Variants in MAPKBP1 observed in about 807,000 individuals in gnomAD.
The protein encoded by MAPKBP1 is mitogen-activated protein kinase binding protein 1.
A neutral mutation model predicts 170.5 loss-of-function variants in MAPKBP1; 71 were observed. That is an observed-to-expected ratio of 0.42 (90% CI 0.34 to 0.51). The LOEUF (loss-of-function observed/expected upper bound fraction) is 0.51. MAPKBP1 is among the 20% of genes least tolerant of loss of function. MAPKBP1 has a pLI of 0.06. For missense variants in MAPKBP1, 1,598 were observed against 1,933.0 expected (o/e 0.83, Z 3.25); for synonymous variants, 719 against 757.9 (o/e 0.95, Z 0.84).
At chr15:41,783,607 C>G (rs1276043601) in intron 2 of MAPKBP1, among the ~76,000 whole-genome samples, 1 of 152,210 alleles carries the variant, frequency 6.6e-6, no homozygotes, top group Non-Finnish European at 1.5e-5. Context: ...CTAAAGGCCT[C>G]TGCTTCCCTG....
At chr15:41,790,160 C>A (rs1254697078) in intron 2 of MAPKBP1, among the ~76,000 whole-genome samples, 1 of 152,224 alleles carries the variant, frequency 6.6e-6, no homozygotes, top group African/African-American at 2.4e-5. Context: ...TAGATCCTCT[C>A]TCTGCCCCAG....
chr15:41,810,521 A>G (rs1396459829), intron 3 of MAPKBP1, among the ~76,000 whole-genome samples: 3 of 148,190 alleles, frequency 2.0e-5, no homozygotes, highest in Non-Finnish European at 1.5e-5. Context: ...AGCCTGGGCA[A>G]CGTGGCAAGA....
At chr15:41,800,595 A>G (rs1006029702) in intron 3 of MAPKBP1, among the ~76,000 whole-genome samples, 2 of 152,158 alleles carry the variant, frequency 1.3e-5, no homozygotes, top group African/African-American at 2.4e-5. Context: ...TCAGCCACCC[A>G]AAGTGCTGGG....
At chr15:41,782,434 T>A (rs2064207336) in intron 2 of MAPKBP1, among the ~76,000 whole-genome samples, 1 of 152,200 alleles carries the variant, frequency 6.6e-6, no homozygotes, top group African/African-American at 2.4e-5. Flanking sequence ...AATGTTGTCA[T>A]CAGGGTGGGT....
Position 41,816,494 on chromosome 15 carries a change from G to C in MAPKBP1, c.1494-65G>C, listed in dbSNP as rs867363662. On this transcript the variant is annotated intron_variant, in intron 12 of 30. Coordinates refer to ENST00000457542, the MANE Select transcript of MAPKBP1 (RefSeq NM_014994.3). Reference sequence around the variant, plus strand: ...AAAAGGAGGAGAAAATGTAGCAGAGGAGGGGGCGTGAGTCCTTCCTGCGGC... The same window carrying C: ...AAAAGGAGGAGAAAATGTAGCAGAGCAGGGGGCGTGAGTCCTTCCTGCGGC... The C allele has an allele frequency of 2.0e-5, 21 of 1,072,916 alleles. No individual in the cohort carries two copies. In the Middle Eastern group the frequency reaches 4.2e-3, roughly 215 times the overall value. 66.5% of individuals were successfully genotyped at this position (1,072,916 alleles called of 1,614,324 possible).
chr15:41,787,559 G>C (rs2064320941), intron 2 of MAPKBP1, among the ~76,000 whole-genome samples: 2 of 152,042 alleles, frequency 1.3e-5, no homozygotes, highest in African/African-American at 4.8e-5. Flanking sequence ...GTAGAGATGG[G>C]GTTTCACCAT....
intron 12 of MAPKBP1, 118 bp from the exon 13 acceptor site, chr15:41,816,441 C>A (rs1245431252): frequency 2.6e-5 from 17 of 659,552 alleles, no homozygotes. Flanking sequence ...AGCAACTTTT[C>A]TCTAAGCCTA....
intron 2 of MAPKBP1, among the ~76,000 whole-genome samples, chr15:41,788,101 G>C (rs995927125): frequency 6.6e-6 from 1 of 151,988 alleles, no homozygotes; most frequent in African/African-American, 2.4e-5. Flanking sequence ...GCGATTACAG[G>C]CACGTACCAC....
intron 22 of MAPKBP1, among the ~76,000 whole-genome samples, chr15:41,820,041 C>T (rs764729216): frequency 1.1e-4 from 17 of 152,082 alleles, no homozygotes; most frequent in South Asian, 2.1e-4. Flanking sequence ...ATCCAAAGAG[C>T]GGAGATCTGG....
chr15:41,776,961 C>T (rs533175681), intron 2 of MAPKBP1, among the ~76,000 whole-genome samples: 55 of 152,118 alleles, frequency 3.6e-4, no homozygotes, highest in Admixed American at 1.5e-3. Flanking sequence ...AATTAAAACA[C>T]GGTGTGGTAA....
chr15:41,817,321 A>G lies in MAPKBP1; in HGVS notation c.1712-67A>G. ...CTTGATGGGGGATCTCATGGAGGGA[A>G]GGTGGGAGGCAGGCTGCTCCCATGT... is the stretch of plus-strand genomic sequence containing the variant. On this transcript the variant is annotated intron_variant, in intron 14 of 30. Coordinates refer to ENST00000457542, the MANE Select transcript of MAPKBP1 (RefSeq NM_014994.3). The surrounding 1 kb of genome is among the most constrained non-coding windows in gnomAD (Gnocchi z 4.2). 6.7e-7 allele frequency: 1 copy of G among 1,502,062 alleles called. No homozygotes were observed. The highest frequency in any genetic ancestry group is 9.3e-7 in the Non-Finnish European group (1 of 1,078,132). The allele number at this position is 1,502,062 out of a possible 1,614,324, so 93.0% of individuals were successfully genotyped here. A position where few individuals can be genotyped will look rare whatever the true frequency, so the allele number is the denominator to read the frequency against.
intron 21 of MAPKBP1, 38 bp from the exon 22 acceptor site, chr15:41,819,557 G>GGGGGGGGGGGGGGGGGGGGCGGC: frequency 7.2e-7 from 1 of 1,384,690 alleles, no homozygotes; most frequent in Non-Finnish European, 1.0e-6. Context: ...CGGGGGGGGG[G>GGGGGGGGGGGGGGGGGGGGCGGC]CAGGAGACAC....
At chr15:41,813,492 G>A in intron 8 of MAPKBP1, 129 bp from the exon 9 acceptor site, 1 of 1,421,062 alleles carries the variant, frequency 7.0e-7, no homozygotes, top group Non-Finnish European at 9.8e-7. Context: ...GAACAGGGCA[G>A]CTGGGCGGCT....
intron 2 of MAPKBP1, among the ~76,000 whole-genome samples, chr15:41,790,722 G>C (rs780362857): frequency 4.6e-5 from 7 of 152,152 alleles, no homozygotes; most frequent in African/African-American, 7.2e-5. Context: ...AGCCAAACTG[G>C]GTAGAGACCA....
rs201138035 is a variant in MAPKBP1, at chr15:41,821,600, G to A, written c.2735G>A (p.Arg912Gln). Residue 912 changes from arginine (R) to glutamine (Q), a missense_variant, in exon 24 of 31, where the codon CGG becomes CAG. Arg to Gln is a conservative substitution (Grantham distance 43). Coordinates refer to ENST00000457542, the MANE Select transcript of MAPKBP1 (RefSeq NM_014994.3). ...TGTTCCCAGAATGAAAAGCCCCCTCGGCCTCAGGCTTCCCAACCTTGTTCC... is the reference window on the plus strand; with the variant it reads ...TGTTCCCAGAATGAAAAGCCCCCTCAGCCTCAGGCTTCCCAACCTTGTTCC... ...SLTSQNEKPP[R>Q]PQASQPCSYP... The A allele has an allele frequency of 9.7e-5, 156 of 1,613,406 alleles. 2 individuals are homozygous for A. The highest frequency in any genetic ancestry group is 1.6e-4 in the Middle Eastern group (1 of 6,074).
At chr15:41,819,424 T>C (rs1296111040) in intron 21 of MAPKBP1, 45 bp downstream of exon 21, 2 of 1,610,226 alleles carry the variant, frequency 1.2e-6, no homozygotes, top group African/African-American at 2.7e-5. Flanking sequence ...CTAGTTGGTA[T>C]AATGGCTAGA....
rs566175004 is a variant in MAPKBP1, at chr15:41,814,941, G to A, written c.1170+202G>A. Among the ~76,000 whole-genome samples the A allele has an allele frequency of 4.8e-4, 73 of 152,206 alleles. No individual in the cohort carries two copies. The South Asian group carries it at 0.011, about 23-fold the overall frequency. ...TGTGCCCCATCCTTAGTTTTGCCTC[G>A]GTCATCTTGGACAAGTTATTGAATT... On this transcript the variant is annotated intron_variant, in intron 10 of 30. Coordinates refer to ENST00000457542, the MANE Select transcript of MAPKBP1 (RefSeq NM_014994.3).
chr15:41,825,328 A>G lies in MAPKBP1; in HGVS notation c.4419A>G (p.Pro1473=). The G allele has an allele frequency of 3.1e-6, 5 of 1,613,332 alleles. No individual in the cohort carries two copies. The highest frequency in any genetic ancestry group is 8.5e-7 in the Non-Finnish European group (1 of 1,179,964). The change falls in exon 31 of 31, where the codon CCA becomes CCG. Residue 1473 remains proline (P), a synonymous_variant. Transcript: ENST00000457542. The part of the protein sequence containing the change: ...EAVAGAVLSS[P]GSSPGAVGAE... The stretch of plus-strand genomic sequence containing the variant: ...TGGCTGGGGCAGTGCTGTCCAGCCC[A>G]GGCAGCAGCCCTGGGGCTGTGGGAG...
intron 2 of MAPKBP1, among the ~76,000 whole-genome samples, chr15:41,784,542 G>A (rs2064247697): frequency 2.6e-5 from 4 of 151,972 alleles, no homozygotes; most frequent in South Asian, 2.1e-4. Context: ...CCAGCACTTT[G>A]GGAGGCCGAG....
Sources: allele counts gnomAD v4.1 joint callset (sites outside exome capture counted in the v4.1 genomes callset), GRCh38; gene constraint gnomAD v4.1.1; non-coding constraint Gnocchi (gnomAD v3.1); transcripts MANE v1.5; gene names NCBI Gene and HGNC (gene_info 2026-07-23, HGNC 2026-07-21).